Variants in PPFIBP1 observed in about 807,000 individuals in gnomAD.
The protein encoded by PPFIBP1 is PPFIB scaffold protein 1, also known as liprin-beta-1.
A neutral mutation model predicts 137.8 loss-of-function variants in PPFIBP1; 112 were observed. That is an observed-to-expected ratio of 0.81 (90% CI 0.70 to 0.95). The LOEUF (loss-of-function observed/expected upper bound fraction) is 0.95, where lower values mean the gene tolerates loss of function less well. Among genes scored for constraint, PPFIBP1 ranks in the 40% least tolerant of loss-of-function variants. The probability of loss-of-function intolerance (pLI) is 0.00; values close to 1 mark genes in which losing one functional copy is unlikely to be tolerated. For synonymous variants in PPFIBP1, 378 were observed against 417.3 expected (o/e 0.91, Z 1.15); for missense variants, 1,083 against 1,196.6 (o/e 0.91, Z 1.40).
At chr12:27,648,503 T>C (rs993278098) in intron 6 of PPFIBP1, among the ~76,000 whole-genome samples, 1 of 152,204 alleles carries the variant, frequency 6.6e-6, no homozygotes, top group Non-Finnish European at 1.5e-5. Flanking sequence ...GCTGGATATA[T>C]ACCCAAAGGA....
rs147527714 is a variant in PPFIBP1, at chr12:27,625,052, C to T, written c.-35-8310C>T. On this transcript the variant is annotated intron_variant, in intron 2 of 29. Coordinates refer to ENST00000228425, the MANE Select transcript of PPFIBP1 (RefSeq NM_003622.4). The stretch of plus-strand genomic sequence containing the variant: ...TTTGGAGGCTGAGGTGAGCAAATTG[C>T]TTGAGCCCAGGAGTTCAAGACCAGC... Among the ~76,000 whole-genome samples the T allele has an allele frequency of 2.4e-3, 372 of 152,244 alleles. 7 individuals are homozygous for T. The highest frequency in any genetic ancestry group is 0.018 in the Admixed American group (269 of 15,290).
At chr12:27,606,183 A>AT (rs1236247983) in intron 2 of PPFIBP1, among the ~76,000 whole-genome samples, 6 of 152,202 alleles carry the variant, frequency 3.9e-5, no homozygotes, top group Admixed American at 1.3e-4. Flanking sequence ...AAAGCTTGTC[A>AT]TTTTCTCTTT....
intron 1 of PPFIBP1, among the ~76,000 whole-genome samples, chr12:27,531,822 C>A (rs1160009559): frequency 2.6e-5 from 4 of 152,062 alleles, no homozygotes; most frequent in Non-Finnish European, 5.9e-5. Flanking sequence ...ATCCTCATTC[C>A]CACCTGCCCA....
intron 25 of PPFIBP1, 38 bp downstream of exon 25, chr12:27,687,545 C>T: frequency 7.5e-6 from 12 of 1,607,300 alleles, no homozygotes; most frequent in Non-Finnish European, 8.5e-6. Context: ...GCATGCACTT[C>T]CCAGGCATGG....
intron 1 of PPFIBP1, among the ~76,000 whole-genome samples, chr12:27,574,231 G>A (rs904210668): frequency 6.6e-6 from 1 of 152,144 alleles, no homozygotes; most frequent in Admixed American, 6.5e-5. Context: ...GATGGTTGTG[G>A]CTGGATAGAG....
intron 1 of PPFIBP1, among the ~76,000 whole-genome samples, chr12:27,557,291 A>T (rs2048776758): frequency 6.7e-6 from 1 of 148,164 alleles, no homozygotes; most frequent in Admixed American, 6.8e-5. Context: ...GGTGGAGTGC[A>T]GCAGCGAGAT....
chr12:27,583,918 A>G (rs1044192773), intron 2 of PPFIBP1, among the ~76,000 whole-genome samples: 53 of 152,160 alleles, frequency 3.5e-4, no homozygotes, highest in African/African-American at 1.2e-3. Flanking sequence ...CTCAGGGTAT[A>G]TGGCTGGTTT....
rs74074067 is a variant in PPFIBP1, at chr12:27,654,070, C to T, written c.604-652C>T. On this transcript the variant is annotated intron_variant, in intron 7 of 29. Transcript: ENST00000228425. ...AGAAACTTTGTGATGTTATATATGA[C>T]GATAATTAAAATAGTCCTCAAAATT... 5.2e-3 allele frequency among the ~76,000 whole-genome samples: 789 copies of T among 152,176 alleles called. 8 individuals are homozygous for T. Among genetic ancestry groups the T allele is most frequent in the African/African-American group, 0.016 (646 of 41,522 alleles).
At chr12:27,644,244 G>GTTTTTTTTTTTTTTTTT (rs3842650) in intron 4 of PPFIBP1, among the ~76,000 whole-genome samples, 22 of 117,762 alleles carry the variant, frequency 1.9e-4, no homozygotes, top group South Asian at 3.5e-4. Flanking sequence ...GCTTGGCTAA[G>GTTTTTTTTTTTTTTTTT]TTTTTTTTTT....
chr12:27,599,468 C>T, intron 2 of PPFIBP1: 1 of 455,996 alleles, frequency 2.2e-6, no homozygotes, highest in Non-Finnish European at 4.4e-6. Flanking sequence ...ACTTCTCAGC[C>T]TACATAAATG....
At chr12:27,565,847 C>T (rs1318246308) in intron 1 of PPFIBP1, among the ~76,000 whole-genome samples, 2 of 152,130 alleles carry the variant, frequency 1.3e-5, no homozygotes, top group African/African-American at 4.8e-5. Flanking sequence ...ACTACTTTGC[C>T]GTCTGTTTTC....
At chr12:27,535,923 A>G (rs903902851) in intron 1 of PPFIBP1, among the ~76,000 whole-genome samples, 1 of 152,224 alleles carries the variant, frequency 6.6e-6, no homozygotes, top group Non-Finnish European at 1.5e-5. Context: ...GAGTTGCCTT[A>G]TCTTTCCTTT....
At chr12:27,568,060 G>A (rs925780224) in intron 1 of PPFIBP1, among the ~76,000 whole-genome samples, 3 of 152,096 alleles carry the variant, frequency 2.0e-5, no homozygotes, top group Admixed American at 6.5e-5. Flanking sequence ...TAAGGGCAAC[G>A]GGAAAAGAAT....
intron 9 of PPFIBP1, 127 bp downstream of exon 9, chr12:27,656,857 C>G (rs2059232017): frequency 3.1e-6 from 2 of 638,640 alleles, no homozygotes; most frequent in Non-Finnish European, 5.6e-6. Context: ...CCAGCCAGGA[C>G]CAGAACCACA....
At chr12:27,539,348 G>A (rs544312297) in intron 1 of PPFIBP1, among the ~76,000 whole-genome samples, 9 of 152,330 alleles carry the variant, frequency 5.9e-5, no homozygotes, top group African/African-American at 1.2e-4. Context: ...ATGAGCTGGC[G>A]TGGGTTTATC....
chr12:27,548,781 G>A (rs900258313), intron 1 of PPFIBP1: 7 of 152,194 alleles, frequency 4.6e-5, no homozygotes, highest in African/African-American at 9.7e-5. Flanking sequence ...GTGATCGGGG[G>A]TGTGTGTTCA....
rs1162178173 is a variant in PPFIBP1 at position 27,583,970 on chromosome 12, T to A, written c.-36+5731T>A. 3.3e-5 allele frequency among the ~76,000 whole-genome samples: 5 copies of A among 152,338 alleles called. No homozygotes were observed. In the South Asian group the frequency reaches 6.2e-4, roughly 19 times the overall value. On this transcript the variant is annotated intron_variant, in intron 2 of 29. Coordinates refer to ENST00000228425, the MANE Select transcript of PPFIBP1 (RefSeq NM_003622.4). ...GATAAAATCAGTTGATTCTTCTTTTTTTGTGGTAGTTGTGCTCTGAAGTGA... is the reference window on the plus strand; with the variant it reads ...GATAAAATCAGTTGATTCTTCTTTTATTGTGGTAGTTGTGCTCTGAAGTGA...
In PPFIBP1 at chr12:27,677,051, G is replaced by A. The variant is rs1225653653; in HGVS notation, c.1583-13G>A. On this transcript the variant is annotated splice_polypyrimidine_tract_variant and intron_variant, in intron 18 of 29. Transcript: ENST00000228425. ...GCTGCGTGTGATTGTGTGCGTTGTT[G>A]GGATATCTGAAGATCGTAAACGAAG... The A allele has an allele frequency of 6.2e-7, 1 of 1,614,020 alleles. No individual in the cohort carries two copies. Among genetic ancestry groups the A allele is most frequent in the African/African-American group, 1.3e-5 (1 of 74,898 alleles).
At chr12:27,603,210 G>A (rs564001249) in intron 2 of PPFIBP1, among the ~76,000 whole-genome samples, 39 of 152,248 alleles carry the variant, frequency 2.6e-4, no homozygotes, top group African/African-American at 8.4e-4. Flanking sequence ...CAGGTTCCAG[G>A]TGCTGCATCC....
Sources: gnomAD v4.1 joint callset for allele counts (sites outside exome capture counted in the v4.1 genomes callset) on GRCh38, gnomAD v4.1.1 for gene constraint, MANE v1.5 for transcripts, NCBI Gene and HGNC (gene_info 2026-07-23, HGNC 2026-07-21) for gene names.